OR7E24: variants seen among roughly 807,000 people sequenced by gnomAD.
The protein encoded by OR7E24 is olfactory receptor family 7 subfamily E member 24, also known as olfactory receptor 7E24.
For missense variants in OR7E24, 385 were observed against 410.3 expected, an observed-to-expected ratio of 0.94 and a Z score of 0.53; for synonymous variants, 130 against 157.5, an observed-to-expected ratio of 0.83 and a Z score of 1.31.
chr19:9,240,131 C>G, the OR7E24 span, among the ~76,000 whole-genome samples: 1 of 152,126 alleles, frequency 6.6e-6, no homozygotes, highest in African/African-American at 2.4e-5. Context: ...TTGGCCTCTC[C>G]AAAGTGCTGG....
upstream of OR7E24, among the ~76,000 whole-genome samples, chr19:9,244,598 T>C (rs1555720570): frequency 6.6e-6 from 1 of 152,186 alleles, no homozygotes; most frequent in Non-Finnish European, 1.5e-5. Context: ...ATAAAATTCT[T>C]AAAGAAAACA....
chr19:9,229,151 C>T, the OR7E24 span, among the ~76,000 whole-genome samples: 1 of 152,228 alleles, frequency 6.6e-6, no homozygotes, highest in Admixed American at 6.5e-5. Flanking sequence ...CTTGTGGACA[C>T]CAAGGGATCC....
the OR7E24 span, among the ~76,000 whole-genome samples, chr19:9,216,589 T>A: frequency 3.9e-5 from 6 of 152,182 alleles, no homozygotes; most frequent in Non-Finnish European, 8.8e-5. Context: ...TATGAACTTT[T>A]GTTCTTTTGC....
the OR7E24 span, chr19:9,211,731 C>A: frequency 1.4e-5 from 2 of 146,670 alleles, no homozygotes; most frequent in African/African-American, 5.0e-5. Context: ...GTAATCCCAG[C>A]GCCACTGTGC....
chr19:9,239,707 CTT>C, the OR7E24 span, among the ~76,000 whole-genome samples: 14 of 122,984 alleles, frequency 1.1e-4, no homozygotes, highest in Admixed American at 1.7e-4. Context: ...TTTTCTTTTT[CTT>C]TTTTTTTTTT....
the OR7E24 span, among the ~76,000 whole-genome samples, chr19:9,236,814 A>G: frequency 3.9e-5 from 6 of 152,080 alleles, no homozygotes; most frequent in African/African-American, 1.4e-4. Context: ...TTTCATCTTA[A>G]TTTGATTTTG....
the OR7E24 span, among the ~76,000 whole-genome samples, chr19:9,222,854 G>A: frequency 6.6e-6 from 1 of 152,112 alleles, no homozygotes; most frequent in African/African-American, 2.4e-5. Flanking sequence ...GAAGTGGTGA[G>A]AACAGGCATT....
chr19:9,217,038 A>C, the OR7E24 span, among the ~76,000 whole-genome samples: 1 of 152,192 alleles, frequency 6.6e-6, no homozygotes, highest in Non-Finnish European at 1.5e-5. Flanking sequence ...TGTGACCACC[A>C]CACAGGACTC....
the OR7E24 span, among the ~76,000 whole-genome samples, chr19:9,220,395 C>G: frequency 5.3e-5 from 8 of 152,298 alleles, no homozygotes. Flanking sequence ...CATTCTACTT[C>G]TTTGAAATCT....
the OR7E24 span, chr19:9,214,899 G>T: frequency 1.0e-6 from 1 of 957,852 alleles, no homozygotes; most frequent in Non-Finnish European, 1.6e-6. Flanking sequence ...GCAAGTGGCA[G>T]CTCAGCTTGT....
chr19:9,214,256 G>C, the OR7E24 span: 103 of 1,614,034 alleles, frequency 6.4e-5, no homozygotes, highest in Non-Finnish European at 7.8e-5. Context: ...CAATGTTATT[G>C]AGGAGGGTGT....
At chr19:9,235,542 G>A in the OR7E24 span, 1 of 1,549,672 alleles carries the variant, frequency 6.5e-7, no homozygotes, top group Non-Finnish European at 8.9e-7. Flanking sequence ...TGCAGTACAT[G>A]GTCATCATAA....
chr19:9,213,788 A>G, the OR7E24 span: 37,790 of 753,636 alleles, frequency 0.05, 1,798 homozygotes, highest in East Asian at 0.21. Context: ...ACAACCAAAA[A>G]TCCCACATCA....
At chr19:9,234,354 A>T in the OR7E24 span, among the ~76,000 whole-genome samples, 3 of 152,226 alleles carry the variant, frequency 2.0e-5, no homozygotes, top group Non-Finnish European at 4.4e-5. Flanking sequence ...AAGAAGAAGG[A>T]GTTTAATAAT....
chr19:9,234,456 GA>G, the OR7E24 span, among the ~76,000 whole-genome samples: 11 of 152,010 alleles, frequency 7.2e-5, no homozygotes, highest in South Asian at 2.1e-4. Context: ...TTTTTAGAAA[GA>G]AAAAAATAAA....
chr19:9,242,248 T>TTTTTG, the OR7E24 span, among the ~76,000 whole-genome samples: 8 of 152,100 alleles, frequency 5.3e-5, no homozygotes, highest in African/African-American at 1.9e-4. Context: ...TTTCTTTTTG[T>TTTTTG]TTTTGTTTTG....
chr19:9,239,344 T>C, the OR7E24 span, among the ~76,000 whole-genome samples: 11 of 152,088 alleles, frequency 7.2e-5, no homozygotes, highest in South Asian at 2.3e-3. Flanking sequence ...AAATATTTTT[T>C]GTATTTTTTA....
At chr19:9,235,375 G>A in the OR7E24 span, 2 of 1,515,160 alleles carry the variant, frequency 1.3e-6, no homozygotes, top group South Asian at 1.1e-5. Flanking sequence ...CTGCACCACA[G>A]TCCCCAAGAT....
At chr19:9,245,233 T>C (rs893324599), upstream of OR7E24, among the ~76,000 whole-genome samples, 16 of 149,974 alleles carry the variant, frequency 1.1e-4, no homozygotes, top group African/African-American at 3.4e-4. Flanking sequence ...AAAAAAAAAA[T>C]TGGGCAGAGG....
Sources: allele counts gnomAD v4.1 joint callset (sites outside exome capture counted in the v4.1 genomes callset), GRCh38; gene constraint gnomAD v4.1.1; transcripts MANE v1.5; gene names NCBI Gene and HGNC (gene_info 2026-07-23, HGNC 2026-07-21).